MEGF10: variants seen among roughly 807,000 people sequenced by gnomAD.
MEGF10 encodes multiple epidermal growth factor-like domains protein 10.
MEGF10 carries 86 observed loss-of-function variants against 147.5 expected under a neutral mutation model. The ratio of observed to expected loss-of-function variants is 0.58; its 90% CI spans 0.49 to 0.70. The LOEUF (loss-of-function observed/expected upper bound fraction) is 0.70, where lower values mean the gene tolerates loss of function less well. Ranked by LOEUF, MEGF10 falls within the 30% of genes least tolerant of loss-of-function variation. The pLI is 0.00. For synonymous variants in MEGF10, 478 were observed against 525.5 expected, an observed-to-expected ratio of 0.91 and a Z score of 1.24; for missense variants, 1,329 against 1,487.3, an observed-to-expected ratio of 0.89 and a Z score of 1.75.
At chr5:127,243,830 G>T in the MEGF10 span, among the ~76,000 whole-genome samples, 1 of 152,060 alleles carries the variant, frequency 6.6e-6, no homozygotes. Context: ...CAACTGTAAA[G>T]ATAAGAGAAA....
the MEGF10 span, among the ~76,000 whole-genome samples, chr5:127,281,471 G>A: frequency 2.0e-5 from 3 of 152,178 alleles, no homozygotes; most frequent in Non-Finnish European, 4.4e-5. Flanking sequence ...TTTATATCTC[G>A]AGTGTCAGAT....
At chr5:127,291,553 G>T (rs1227713084) in intron 1 of MEGF10, among the ~76,000 whole-genome samples, 1 of 152,160 alleles carries the variant, frequency 6.6e-6, no homozygotes, top group African/African-American at 2.4e-5. Flanking sequence ...AGGCTGGCGG[G>T]ATGCTCCCCT....
chr5:127,263,310 G>T, the MEGF10 span, among the ~76,000 whole-genome samples: 8 of 149,444 alleles, frequency 5.4e-5, no homozygotes, highest in Non-Finnish European at 8.9e-5. Flanking sequence ...GGATTCTCGG[G>T]GGGGGGGTAA....
chr5:127,231,816 G>A, the MEGF10 span, among the ~76,000 whole-genome samples: 1 of 152,220 alleles, frequency 6.6e-6, no homozygotes, highest in African/African-American at 2.4e-5. Flanking sequence ...AAACAGAAAG[G>A]TCGCCTCCAA....
intron 1 of MEGF10, among the ~76,000 whole-genome samples, chr5:127,306,384 G>C (rs962632876): frequency 1.3e-5 from 2 of 152,106 alleles, no homozygotes; most frequent in Non-Finnish European, 2.9e-5. Flanking sequence ...AGCCAGGCGA[G>C]GTTTGTCACT....
At chr5:127,364,564 C>G (rs1378203281) in intron 4 of MEGF10, among the ~76,000 whole-genome samples, 1 of 152,144 alleles carries the variant, frequency 6.6e-6, no homozygotes, top group Non-Finnish European at 1.5e-5. Context: ...AAGAGAATTC[C>G]CTTTCCTTTT....
At chr5:127,235,701 G>T in the MEGF10 span, among the ~76,000 whole-genome samples, 5 of 152,280 alleles carry the variant, frequency 3.3e-5, no homozygotes, top group East Asian at 9.6e-4. Flanking sequence ...TTTGGTACCT[G>T]CACCAAATCT....
chr5:127,232,390 A>G, the MEGF10 span, among the ~76,000 whole-genome samples: 4 of 152,204 alleles, frequency 2.6e-5, no homozygotes, highest in African/African-American at 9.6e-5. Context: ...ATCAAGATCA[A>G]CAAAGGCTGA....
intron 13 of MEGF10, among the ~76,000 whole-genome samples, chr5:127,431,538 G>A (rs1183723917): frequency 6.6e-6 from 1 of 152,198 alleles, no homozygotes; most frequent in Non-Finnish European, 1.5e-5. Context: ...ATGATGATCA[G>A]TCAGATTAAC....
chr5:127,400,174 A>G (rs1764071761), intron 7 of MEGF10, among the ~76,000 whole-genome samples: 1 of 152,212 alleles, frequency 6.6e-6, no homozygotes. Context: ...AATAAAAATC[A>G]GATCTGAGAG....
intron 1 of MEGF10, among the ~76,000 whole-genome samples, chr5:127,319,994 C>G (rs910768952): frequency 2.6e-5 from 4 of 152,188 alleles, no homozygotes; most frequent in African/African-American, 9.6e-5. Context: ...ACCACAGCAT[C>G]ATCATCTGTA....
chr5:127,312,277 G>C (rs1760323708), intron 1 of MEGF10, among the ~76,000 whole-genome samples: 1 of 152,172 alleles, frequency 6.6e-6, no homozygotes, highest in South Asian at 2.1e-4. Flanking sequence ...GTGGGCACCA[G>C]GCTTTGCTTG....
rs182263992 is a variant in MEGF10 at position 127,348,738 on chromosome 5, T to C, written c.319+8108T>C. ...TGGTCTAACAAATTTAACAAACACA[T>C]TAAGAAGCCTTTGACTAATGTTTTA... is the stretch of plus-strand genomic sequence containing the variant. On this transcript the variant is annotated intron_variant, in intron 4 of 24. Transcript: ENST00000503335. Among the ~76,000 whole-genome samples the C allele has an allele frequency of 5.0e-3, 763 of 152,308 alleles. 6 individuals carry two copies. Among genetic ancestry groups the C allele is most frequent in the Non-Finnish European group, 6.7e-3 (458 of 67,996 alleles).
At chr5:127,435,260 A>T in intron 15 of MEGF10, 101 bp from the exon 16 acceptor site, 1 of 1,377,052 alleles carries the variant, frequency 7.3e-7, no homozygotes, top group South Asian at 1.4e-5. Context: ...ACCAATGAGC[A>T]GCTGGGCCTG....
At chr5:127,369,663 C>T (rs1762782779) in intron 4 of MEGF10, among the ~76,000 whole-genome samples, 2 of 152,064 alleles carry the variant, frequency 1.3e-5, no homozygotes, top group Admixed American at 1.3e-4. Flanking sequence ...AACTTCTTTT[C>T]TAATTTAGCA....
chr5:127,269,072 C>A, the MEGF10 span, among the ~76,000 whole-genome samples: 1 of 152,190 alleles, frequency 6.6e-6, no homozygotes, highest in South Asian at 2.1e-4. Context: ...GACATCCACA[C>A]CAAAACCCCA....
chr5:127,428,810 A>G (rs1039589935), intron 13 of MEGF10, among the ~76,000 whole-genome samples: 1 of 152,236 alleles, frequency 6.6e-6, no homozygotes, highest in African/African-American at 2.4e-5. Flanking sequence ...GGAAAGAATG[A>G]CACCCCAGAT....
rs56033520 is a variant in MEGF10, at chr5:127,294,835, T to TAATAATAAAAAAAAAA, written c.-19+3781_-19+3782insTAATAAAAAAAAAAAA. Reference sequence around the variant, plus strand: ...ATAATAATAATAATAATAATAATAATAAATAACTTGGAGTAGAAAAAGGAC... The same window carrying TAATAATAAAAAAAAAA: ...ATAATAATAATAATAATAATAATAATAATAATAAAAAAAAAAAAATAACTTGGAGTAGAAAAAGGAC... On this transcript the variant is annotated intron_variant, in intron 1 of 24. Transcript: ENST00000503335. Among the ~76,000 whole-genome samples, 6 of 143,142 alleles carry TAATAATAAAAAAAAAA rather than the reference T, an allele frequency of 4.2e-5. No individual in the cohort carries two copies. The South Asian group carries it at 8.8e-4, about 21-fold the overall frequency. 93.9% of individuals were successfully genotyped at this position (143,142 alleles called of 152,430 possible). A position where few individuals can be genotyped will look rare whatever the true frequency, so the allele number is the denominator to read the frequency against.
chr5:127,352,940 C>T (rs1209133261), intron 4 of MEGF10, among the ~76,000 whole-genome samples: 1 of 152,168 alleles, frequency 6.6e-6, no homozygotes, highest in Admixed American at 6.5e-5. Context: ...AGGCCCAGGC[C>T]CTTCCTAGCT....
Sources: gnomAD v4.1 joint callset for allele counts (sites outside exome capture counted in the v4.1 genomes callset) on GRCh38, gnomAD v4.1.1 for gene constraint, MANE v1.5 for transcripts, NCBI Gene and HGNC (gene_info 2026-07-23, HGNC 2026-07-21) for gene names.